The following SORT1 variants were observed in gnomAD, a reference collection of about 807,000 sequenced individuals.
SORT1 encodes the protein sortilin 1.
In SORT1, 39 loss-of-function variants were observed where a neutral mutation model predicts 101.7. The ratio of observed to expected loss-of-function variants is 0.38; its 90% CI spans 0.30 to 0.50. The LOEUF is 0.50. Ranked by LOEUF, SORT1 falls within the 20% of genes least tolerant of loss-of-function variation. The pLI is 0.90. For missense variants in SORT1, 878 were observed against 1,040.4 expected, an observed-to-expected ratio of 0.84 and a Z score of 2.15; for synonymous variants, 396 against 393.7, an observed-to-expected ratio of 1.01 and a Z score of -0.07.
intron 11 of SORT1, among the ~76,000 whole-genome samples, chr1:109,332,675 A>T (rs1648541373): frequency 6.6e-6 from 1 of 152,236 alleles, no homozygotes; most frequent in Admixed American, 6.5e-5. Context: ...AAGCAAAAAG[A>T]ACAAAGCTGG....
At chr1:109,389,292 A>C (rs1652763770) in intron 1 of SORT1, among the ~76,000 whole-genome samples, 1 of 152,210 alleles carries the variant, frequency 6.6e-6, no homozygotes. Flanking sequence ...GTGACGGGAA[A>C]CTGAGGCCTA....
chr1:109,348,244 C>G (rs1649727600), intron 6 of SORT1, among the ~76,000 whole-genome samples: 1 of 152,100 alleles, frequency 6.6e-6, no homozygotes, highest in Non-Finnish European at 1.5e-5. Flanking sequence ...TAGATTCAGA[C>G]CCTCCTGGCA....
intron 1 of SORT1, among the ~76,000 whole-genome samples, chr1:109,388,356 A>T (rs1652707700): frequency 6.6e-6 from 1 of 151,800 alleles, no homozygotes; most frequent in Non-Finnish European, 1.5e-5. Context: ...CCCTCACCTC[A>T]GACTCTTGTG....
At chr1:109,382,282 C>T (rs192574624) in intron 1 of SORT1, among the ~76,000 whole-genome samples, 16 of 152,208 alleles carry the variant, frequency 1.1e-4, no homozygotes, top group African/African-American at 3.9e-4. Flanking sequence ...ATTACAGGTG[C>T]ATGCCACCAT....
chr1:109,339,823 A>G (rs1649091316), intron 10 of SORT1, among the ~76,000 whole-genome samples: 1 of 152,184 alleles, frequency 6.6e-6, no homozygotes, highest in African/African-American at 2.4e-5. Flanking sequence ...AAGAGCTGAA[A>G]ATGGAAACAG....
intron 5 of SORT1, among the ~76,000 whole-genome samples, chr1:109,351,849 C>A (rs761779323): frequency 6.6e-6 from 1 of 152,140 alleles, no homozygotes; most frequent in East Asian, 1.9e-4. Context: ...CACATTAGTT[C>A]GGTAAGAGCT....
At chr1:109,378,678 C>A (rs1652007257) in intron 1 of SORT1, among the ~76,000 whole-genome samples, 1 of 99,168 alleles carries the variant, frequency 1.0e-5, no homozygotes, top group Non-Finnish European at 1.9e-5. Flanking sequence ...GAGAGTCCAG[C>A]CAACAGAAGG....
At chr1:109,386,748 A>C (rs1017497808) in intron 1 of SORT1, among the ~76,000 whole-genome samples, 2 of 152,214 alleles carry the variant, frequency 1.3e-5, no homozygotes, top group Non-Finnish European at 2.9e-5. Flanking sequence ...AAATAATTCC[A>C]TCAACATTCT....
chr1:109,336,340 G>A lies in SORT1; in HGVS notation c.1271C>T (p.Ser424Phe), dbSNP rs72646567. Residue 424 changes from serine to phenylalanine, a missense_variant, in exon 11 of 20, where the codon TCT (serine) becomes TTT (phenylalanine). Around this residue, in one of 2 missense-constraint regions of SORT1, gnomAD observed 684 missense variants for 894.5 expected, o/e 0.76. Transcript: ENST00000256637. ...GTCAAAAGTGATCATGGTCTGGATA[G>A]AATTATCTGAATGGGAAGAGAACAA... Reference protein sequence around the residue: ...YITSVLSEDNSIQTMITFDQG... With the variant: ...YITSVLSEDNFIQTMITFDQG... 22 of 1,590,428 alleles carry A rather than the reference G, an allele frequency of 1.4e-5. No individual in the cohort carries two copies. The highest frequency in any genetic ancestry group is 7.7e-5 in the South Asian group (7 of 90,606).
At chr1:109,379,449 G>A (rs1221883756) in intron 1 of SORT1, among the ~76,000 whole-genome samples, 1 of 152,194 alleles carries the variant, frequency 6.6e-6, no homozygotes, top group African/African-American at 2.4e-5. Context: ...AAGAGAACAC[G>A]ATCTGGTCAC....
intron 1 of SORT1, among the ~76,000 whole-genome samples, chr1:109,378,154 T>C (rs1458593680): frequency 1.3e-5 from 2 of 152,096 alleles, no homozygotes; most frequent in African/African-American, 4.8e-5. Flanking sequence ...GGAGGATCAC[T>C]TGAGCCCAGG....
At chr1:109,366,338 C>G (rs1365084757) in intron 3 of SORT1, among the ~76,000 whole-genome samples, 1 of 152,174 alleles carries the variant, frequency 6.6e-6, no homozygotes. Flanking sequence ...TAAAAATAAT[C>G]TGCTTAGGCC....
At chr1:109,391,256 A>C (rs1652900963) in intron 1 of SORT1, among the ~76,000 whole-genome samples, 1 of 152,198 alleles carries the variant, frequency 6.6e-6, no homozygotes. Flanking sequence ...ATTTCACTGA[A>C]GCAAGTTCTG....
At position 109,369,563 on chromosome 1, in the gene SORT1, T is replaced by G; in HGVS notation, c.333A>C (p.Ser111=). Residue 111 remains serine, a synonymous_variant, in exon 2 of 20, where the codon TCA becomes TCC. Transcript: ENST00000256637. The stretch of plus-strand genomic sequence containing the variant: ...TATCTCCAACCCAGGACAAGGATAC[T>G]GAGCCTCTGAGATCATCAAACACAT... ...HQHVFDDLRG[S]VSLSWVGDST... 1 of 1,610,054 alleles carries G rather than the reference T, an allele frequency of 6.2e-7. No individual in the cohort carries two copies. The highest frequency in any genetic ancestry group is 1.7e-4 in the Middle Eastern group (1 of 6,054).
intron 1 of SORT1, among the ~76,000 whole-genome samples, chr1:109,374,467 T>C (rs1272231657): frequency 6.6e-6 from 1 of 151,974 alleles, no homozygotes; most frequent in Non-Finnish European, 1.5e-5. Flanking sequence ...GGTGGGCACC[T>C]GTAATCCCAG....
At chr1:109,317,010 ACCTG>A (rs768697011) in intron 16 of SORT1, 52 bp from the exon 17 acceptor site, 23 of 1,143,026 alleles carry the variant, frequency 2.0e-5, no homozygotes, top group Non-Finnish European at 2.8e-5. Context: ...ATTCCTGGGT[ACCTG>A]CCTATTTCTT....
At chr1:109,336,470 C>T (rs1648837083) in intron 10 of SORT1, 124 bp from the exon 11 acceptor site, 1 of 658,936 alleles carries the variant, frequency 1.5e-6, no homozygotes, top group Non-Finnish European at 2.7e-6. Context: ...GCTTGTAACA[C>T]CTCACAAAAC....
In SORT1 at chr1:109,354,498, G is replaced by T. The variant is rs762604136; in HGVS notation, c.577C>A (p.Arg193Ser). The T allele has an allele frequency of 1.2e-6, 2 of 1,613,420 alleles. No homozygotes were observed. Among genetic ancestry groups the T allele is most frequent in the Non-Finnish European group, 1.7e-6 (2 of 1,179,492 alleles). Reference protein sequence around the residue: ...VLTAEVSGGSRGGRIFRSSDF... With the variant: ...VLTAEVSGGSSGGRIFRSSDF... ...GATGATCTAAAGATTCTTCCTCCAC[G>T]ACTTCCTCCAGACACCTCTGCTGTT... The change falls in exon 5 of 20, where the codon CGT becomes AGT. Residue 193 changes from arginine to serine, a missense_variant. Arg to Ser is a moderately radical substitution (Grantham distance 110). This residue lies in a region of SORT1 where 684 missense variants were observed against 894.5 expected (regional missense o/e 0.76). Coordinates refer to ENST00000256637, the MANE Select transcript of SORT1 (RefSeq NM_002959.7).
At chr1:109,339,955 C>G (rs1649100097) in intron 10 of SORT1, among the ~76,000 whole-genome samples, 1 of 152,062 alleles carries the variant, frequency 6.6e-6, no homozygotes, top group Non-Finnish European at 1.5e-5. Context: ...TCGAGACCAA[C>G]CTGGCCAACA....
Sources: allele counts gnomAD v4.1 joint callset (sites outside exome capture counted in the v4.1 genomes callset), GRCh38; gene constraint gnomAD v4.1.1; regional missense constraint gnomAD v4.1.1; transcripts MANE v1.5; gene names NCBI Gene and HGNC (gene_info 2026-07-23, HGNC 2026-07-21).